Variants in TPRG1 observed in about 807,000 individuals in gnomAD.
TPRG1 encodes tumor protein p63-regulated gene 1 protein.
In TPRG1, 29 loss-of-function variants were observed where a neutral mutation model predicts 29.3. The ratio of observed to expected loss-of-function variants is 0.99; its 90% CI spans 0.74 to 1.35. TPRG1 has a LOEUF of 1.35. Ranked by LOEUF, TPRG1 falls within the 40% of genes most tolerant of loss-of-function variation. The pLI is 0.00. For missense variants in TPRG1, 327 were observed against 335.0 expected (o/e 0.98, Z 0.19); for synonymous variants, 130 against 116.8 (o/e 1.11, Z -0.73).
chr3:189,194,437 A>T (rs1487156241), intron 1 of TPRG1, among the ~76,000 whole-genome samples: 1 of 152,198 alleles, frequency 6.6e-6, no homozygotes, highest in Non-Finnish European at 1.5e-5. Context: ...TCCTGGGCTC[A>T]GTGTTACATG....
Position 189,293,445 on chromosome 3 carries a change from A to G in TPRG1, c.480-16941A>G, listed in dbSNP as rs184376958. On this transcript the variant is annotated intron_variant, in intron 4 of 5. Transcript: ENST00000345063. ...CTCTCACCCCTGAAAAGGGATTGCC[A>G]GAGGGAAGATGGGGAAAGGTGTGGC... 3.4e-3 allele frequency among the ~76,000 whole-genome samples: 521 copies of G among 152,292 alleles called. 2 individuals carry two copies. Among genetic ancestry groups the G allele is most frequent in the Non-Finnish European group, 5.4e-3 (365 of 68,018 alleles).
At chr3:189,308,103 C>T (rs1265577930) in intron 4 of TPRG1, among the ~76,000 whole-genome samples, 1 of 152,166 alleles carries the variant, frequency 6.6e-6, no homozygotes, top group Non-Finnish European at 1.5e-5. Context: ...CATGGAATGT[C>T]TCGATATAGA....
intron 3 of TPRG1, chr3:189,219,524 A>AG: frequency 2.5e-6 from 3 of 1,180,412 alleles, no homozygotes; most frequent in South Asian, 1.5e-5. Flanking sequence ...TTCTGAAAAA[A>AG]AAAAAAAAAG....
chr3:189,179,693 G>A (rs1729958220), intron 1 of TPRG1, among the ~76,000 whole-genome samples: 1 of 152,144 alleles, frequency 6.6e-6, no homozygotes, highest in Non-Finnish European at 1.5e-5. Context: ...GTTTTCCCCA[G>A]CACAGTACTT....
chr3:189,295,976 G>A (rs569265077), intron 4 of TPRG1, among the ~76,000 whole-genome samples: 19 of 151,010 alleles, frequency 1.3e-4, no homozygotes, highest in Middle Eastern at 3.2e-3. Flanking sequence ...AGGAGTTTGC[G>A]TTTTTGTTTC....
chr3:189,201,138 T>G (rs1733418194), intron 1 of TPRG1, among the ~76,000 whole-genome samples: 1 of 152,170 alleles, frequency 6.6e-6, no homozygotes, highest in Non-Finnish European at 1.5e-5. Flanking sequence ...ACTCCAGAAC[T>G]GAGAGAAATA....
At chr3:189,274,714 T>C (rs1044500888) in intron 4 of TPRG1, among the ~76,000 whole-genome samples, 3 of 152,140 alleles carry the variant, frequency 2.0e-5, no homozygotes, top group African/African-American at 7.2e-5. Context: ...TTCCCTAGAC[T>C]GAAAAAGGTG....
At chr3:189,187,874 GTAAT>G (rs1731159561) in intron 1 of TPRG1, among the ~76,000 whole-genome samples, 1 of 152,140 alleles carries the variant, frequency 6.6e-6, no homozygotes, top group African/African-American at 2.4e-5. Context: ...AAGCGTTGAC[GTAAT>G]TAATTCTCGA....
intron 4 of TPRG1, among the ~76,000 whole-genome samples, chr3:189,150,485 G>C (rs1480898935): frequency 6.6e-6 from 1 of 152,030 alleles, no homozygotes; most frequent in East Asian, 1.9e-4. Context: ...CGAGATCTTT[G>C]TGTGGATTTC....
At chr3:189,298,377 C>T (rs989319602) in intron 4 of TPRG1, among the ~76,000 whole-genome samples, 1 of 152,164 alleles carries the variant, frequency 6.6e-6, no homozygotes, top group Admixed American at 6.5e-5. Context: ...GAGATAGACC[C>T]TTTAGGTAAC....
At chr3:189,293,105 C>T (rs914836861) in intron 4 of TPRG1, among the ~76,000 whole-genome samples, 1 of 152,172 alleles carries the variant, frequency 6.6e-6, no homozygotes, top group East Asian at 1.9e-4. Flanking sequence ...TTAGGCATTT[C>T]TTTTCTTTAA....
At chr3:189,122,836 G>T (rs1020227154) in intron 1 of TPRG1, among the ~76,000 whole-genome samples, 2 of 152,106 alleles carry the variant, frequency 1.3e-5, no homozygotes, top group African/African-American at 4.8e-5. Context: ...AGTCCTTTTG[G>T]TTTTTTAACA....
At chr3:189,276,941 T>G (rs1393045734) in intron 4 of TPRG1, among the ~76,000 whole-genome samples, 2 of 152,194 alleles carry the variant, frequency 1.3e-5, no homozygotes, top group South Asian at 2.1e-4. Context: ...TATTTTTTAA[T>G]GACTCCAGAT....
chr3:189,128,774 A>G (rs1461507083), intron 2 of TPRG1, among the ~76,000 whole-genome samples: 1 of 152,124 alleles, frequency 6.6e-6, no homozygotes, highest in African/African-American at 2.4e-5. Flanking sequence ...TTTTATTATT[A>G]GCATTATTTT....
intron 1 of TPRG1, among the ~76,000 whole-genome samples, chr3:189,187,869 T>G (rs1461752948): frequency 6.6e-6 from 1 of 152,226 alleles, no homozygotes; most frequent in Non-Finnish European, 1.5e-5. Flanking sequence ...TCTGAAAGCG[T>G]TGACGTAATT....
At chr3:189,048,122 T>C (rs6776322) in intron 4 of TPRG1, among the ~76,000 whole-genome samples, 18,735 of 152,178 alleles carry the variant, frequency 0.12, 2,182 homozygotes, top group African/African-American at 0.31. Context: ...CCTTACAAAA[T>C]GTATTTCTTA....
At chr3:189,204,528 C>A (rs1734009474) in intron 1 of TPRG1, among the ~76,000 whole-genome samples, 1 of 152,170 alleles carries the variant, frequency 6.6e-6, no homozygotes, top group African/African-American at 2.4e-5. Flanking sequence ...CTATTTATGG[C>A]AGTGAGAATT....
chr3:189,177,649 T>G (rs1449490067), intron 1 of TPRG1, among the ~76,000 whole-genome samples: 2 of 151,838 alleles, frequency 1.3e-5, no homozygotes, highest in Non-Finnish European at 2.9e-5. Context: ...TGTTTGAGTT[T>G]AGAGAGGTGC....
intron 5 of TPRG1, among the ~76,000 whole-genome samples, chr3:189,166,791 GA>G (rs1728218542): frequency 6.6e-6 from 1 of 152,022 alleles, no homozygotes; most frequent in South Asian, 2.1e-4. Context: ...TAGGTAGGAA[GA>G]AAAAAATAAT....
Sources: allele counts gnomAD v4.1 joint callset (sites outside exome capture counted in the v4.1 genomes callset), GRCh38; gene constraint gnomAD v4.1.1; transcripts MANE v1.5; gene names NCBI Gene and HGNC (gene_info 2026-07-23, HGNC 2026-07-21).